Variants in NLRP13 observed in about 807,000 individuals in gnomAD.
NLRP13 encodes NLR family pyrin domain containing 13.
Under a neutral mutation model 94.4 loss-of-function variants are expected in NLRP13, and 82 were observed. The observed-to-expected ratio is 0.87, with a 90% CI of 0.73 to 1.04. NLRP13 has a LOEUF of 1.04. Among genes scored for constraint, NLRP13 ranks in the 50% least tolerant of loss-of-function variants. The pLI is 0.00. For synonymous variants in NLRP13, 553 were observed against 464.7 expected, an observed-to-expected ratio of 1.19 and a Z score of -2.45; for missense variants, 1,426 against 1,230.8, an observed-to-expected ratio of 1.16 and a Z score of -2.37.
At chr19:55,914,109 A>G (rs1329759141) in intron 4 of NLRP13, among the ~76,000 whole-genome samples, 1 of 152,206 alleles carries the variant, frequency 6.6e-6, no homozygotes, top group Non-Finnish European at 1.5e-5. Context: ...GTTGCCCTGA[A>G]GATCAAGGCT....
At chr19:55,924,334 G>A (rs555564260) in intron 3 of NLRP13, among the ~76,000 whole-genome samples, 1 of 152,090 alleles carries the variant, frequency 6.6e-6, no homozygotes, top group Non-Finnish European at 1.5e-5. Flanking sequence ...TGTTGGCAAG[G>A]CTGGTCTCAA....
chr19:55,892,985 C>T (rs1276858481), downstream of NLRP13, among the ~76,000 whole-genome samples: 2 of 152,148 alleles, frequency 1.3e-5, no homozygotes, highest in Non-Finnish European at 2.9e-5. Flanking sequence ...TGCTCATCAA[C>T]AGCAGACTGG....
At chr19:55,899,159 C>G (rs1473392167) in intron 9 of NLRP13, among the ~76,000 whole-genome samples, 1 of 152,002 alleles carries the variant, frequency 6.6e-6, no homozygotes, top group African/African-American at 2.4e-5. Context: ...ACAGCCCTCT[C>G]CCTCCCACGC....
downstream of NLRP13, among the ~76,000 whole-genome samples, chr19:55,895,355 T>C (rs1985978411): frequency 1.3e-5 from 2 of 151,984 alleles, no homozygotes; most frequent in Admixed American, 6.6e-5. Flanking sequence ...CACTCCAGCC[T>C]GGGTGACAGA....
chr19:55,902,283 C>T, intron 8 of NLRP13, 78 bp from the exon 9 acceptor site: 2 of 1,146,742 alleles, frequency 1.7e-6, no homozygotes, highest in South Asian at 1.8e-5. Context: ...GCCTCAGGGC[C>T]CCCTCCGAGC....
At chr19:55,892,373 G>T (rs533967575), downstream of NLRP13, among the ~76,000 whole-genome samples, 1 of 69,484 alleles carries the variant, frequency 1.4e-5, no homozygotes, top group African/African-American at 5.2e-5. Context: ...GTGTATATAT[G>T]TATATACACA....
intron 4 of NLRP13, among the ~76,000 whole-genome samples, chr19:55,919,907 C>T (rs1225681965): frequency 1.3e-5 from 2 of 152,092 alleles, no homozygotes; most frequent in African/African-American, 4.8e-5. Flanking sequence ...AATCTGTATG[C>T]ATCACCTTAC....
intron 10 of NLRP13, among the ~76,000 whole-genome samples, chr19:55,897,163 A>T (rs574571030): frequency 6.6e-6 from 1 of 152,186 alleles, no homozygotes; most frequent in African/African-American, 2.4e-5. Flanking sequence ...CAAAGACAAA[A>T]GTGAGAAAAT....
At chr19:55,904,300 G>A (rs1390490833) in intron 8 of NLRP13, among the ~76,000 whole-genome samples, 1 of 152,078 alleles carries the variant, frequency 6.6e-6, no homozygotes. Context: ...TGTTGGTCAG[G>A]CTGGTCTCAA....
intron 1 of NLRP13, 86 bp downstream of exon 1, chr19:55,931,907 G>A: frequency 8.8e-7 from 1 of 1,141,182 alleles, no homozygotes; most frequent in African/African-American, 1.5e-5. Context: ...CGGCAGTGTG[G>A]AATGACCCCA....
At chr19:55,892,755 T>C (rs963742337), downstream of NLRP13, among the ~76,000 whole-genome samples, 1 of 152,184 alleles carries the variant, frequency 6.6e-6, no homozygotes, top group Non-Finnish European at 1.5e-5. Context: ...ATGTACTGAT[T>C]GTTTAGCTCC....
chr19:55,901,587 G>A (rs927172887), intron 9 of NLRP13, among the ~76,000 whole-genome samples: 2 of 152,076 alleles, frequency 1.3e-5, no homozygotes, highest in Non-Finnish European at 2.9e-5. Flanking sequence ...GAAGGGGAGC[G>A]GTACTGTGGA....
intron 4 of NLRP13, among the ~76,000 whole-genome samples, chr19:55,916,968 A>G (rs1237243611): frequency 1.3e-5 from 2 of 152,176 alleles, no homozygotes; most frequent in African/African-American, 4.8e-5. Context: ...AATCAGTAAG[A>G]GAAAATAATC....
chr19:55,906,209 G>A (rs1052371223), intron 7 of NLRP13, among the ~76,000 whole-genome samples: 3 of 151,776 alleles, frequency 2.0e-5, no homozygotes, highest in Non-Finnish European at 2.9e-5. Context: ...ATGGTGGTGT[G>A]TGACTGTAAT....
At chr19:55,926,213 T>C (rs557300438) in intron 1 of NLRP13, among the ~76,000 whole-genome samples, 1 of 152,344 alleles carries the variant, frequency 6.6e-6, no homozygotes, top group East Asian at 1.9e-4. Flanking sequence ...GGCATCACCA[T>C]CTGGATCTTC....
intron 4 of NLRP13, among the ~76,000 whole-genome samples, chr19:55,921,008 C>T (rs1340819349): frequency 6.6e-6 from 1 of 152,054 alleles, no homozygotes. Context: ...TGAAGTAAGT[C>T]TGACACAGAA....
chr19:55,898,783 A>G lies in NLRP13; in HGVS notation c.2944T>C (p.Leu982=). The G allele has an allele frequency of 6.2e-7, 1 of 1,608,908 alleles. No homozygotes were observed. Among genetic ancestry groups the G allele is most frequent in the Non-Finnish European group, 8.5e-7 (1 of 1,177,848 alleles). ...GCATCAACTCACCCAAGTGTGTGCA[A>G]TGCACGATGTGGTTTCAGAGCCTCA... The part of the protein sequence containing the change: ...LCEALKPHRA[L]HTLGLAKCNL... The change falls in exon 10 of 11, where the codon TTG becomes CTG. Residue 982 remains leucine, a synonymous_variant. Transcript: ENST00000342929.
intron 1 of NLRP13, among the ~76,000 whole-genome samples, chr19:55,931,158 G>A (rs1003384291): frequency 6.6e-5 from 10 of 152,030 alleles, no homozygotes; most frequent in East Asian, 3.9e-4. Context: ...AAATCAGACA[G>A]AAAGTGTAGA....
chr19:55,925,988 G>A (rs1159863233), intron 1 of NLRP13, among the ~76,000 whole-genome samples: 1 of 152,066 alleles, frequency 6.6e-6, no homozygotes, highest in Non-Finnish European at 1.5e-5. Flanking sequence ...ATTTCAAGCT[G>A]AAGTCTGTCC....
Sources: allele counts gnomAD v4.1 joint callset (sites outside exome capture counted in the v4.1 genomes callset), GRCh38; gene constraint gnomAD v4.1.1; transcripts MANE v1.5; gene names NCBI Gene and HGNC (gene_info 2026-07-23, HGNC 2026-07-21).